Variants in ENTPD6 observed in about 807,000 individuals in gnomAD.
ENTPD6 encodes the protein CD39 antigen-like 2.
ENTPD6 carries 46 observed loss-of-function variants against 61.5 expected under a neutral mutation model. That is an observed-to-expected ratio of 0.75 (90% CI 0.59 to 0.96). The LOEUF (loss-of-function observed/expected upper bound fraction) is 0.96, where lower values mean the gene tolerates loss of function less well. Among genes scored for constraint, ENTPD6 ranks in the 40% least tolerant of loss-of-function variants. ENTPD6 has a pLI of 0.00. For missense variants in ENTPD6, 612 were observed against 629.0 expected (o/e 0.97, Z 0.29); for synonymous variants, 252 against 255.5 (o/e 0.99, Z 0.13).
intron 2 of ENTPD6, 29 bp downstream of exon 2, chr20:25,206,619 A>G: frequency 1.3e-6 from 2 of 1,545,248 alleles, no homozygotes; most frequent in Non-Finnish European, 1.8e-6. Flanking sequence ...GTAGTTGCCC[A>G]AGGGACGGAG....
At chr20:25,222,804 GC>G (rs2092681946) in intron 11 of ENTPD6, 33 bp from the exon 12 acceptor site, 1 of 1,609,306 alleles carries the variant, frequency 6.2e-7, no homozygotes, top group African/African-American at 1.3e-5. Flanking sequence ...GGTGCTCGGA[GC>G]CCACTGACCG....
At chr20:25,224,431 A>G in intron 13 of ENTPD6, 1 of 298,776 alleles carries the variant, frequency 3.3e-6, no homozygotes, top group Non-Finnish European at 6.3e-6. Flanking sequence ...CAGTAAGTTC[A>G]TGATTGTCAC....
At chr20:25,197,081 A>G (rs2090515942) in intron 1 of ENTPD6, 27 of 985,370 alleles carry the variant, frequency 2.7e-5, no homozygotes, top group Non-Finnish European at 3.3e-5. Flanking sequence ...GGAAGTTTCT[A>G]ATGTGCTTCA....
rs112263429 is a variant in ENTPD6, at chr20:25,214,526, G to A, written c.598-341G>A. ...TCTAAGCCCCAGCGGGCTTAGGACA[G>A]GGTCTCCAGGGCAGCATGGGCCTCA... On this transcript the variant is annotated intron_variant, in intron 5 of 14. Transcript: ENST00000376652. Among the ~76,000 whole-genome samples, 270 of 152,348 alleles carry A rather than the reference G, an allele frequency of 1.8e-3. 1 individual carries two copies. Among genetic ancestry groups the A allele is most frequent in the African/African-American group, 5.9e-3 (247 of 41,574 alleles).
intron 1 of ENTPD6, among the ~76,000 whole-genome samples, chr20:25,204,920 A>G (rs548911060): frequency 1.3e-5 from 2 of 152,036 alleles, no homozygotes; most frequent in Non-Finnish European, 2.9e-5. Context: ...CAGAGCTCCT[A>G]TGCAATATTT....
chr20:25,205,082 G>A (rs192528871), intron 1 of ENTPD6, among the ~76,000 whole-genome samples: 1 of 152,286 alleles, frequency 6.6e-6, no homozygotes, highest in East Asian at 1.9e-4. Flanking sequence ...AGGTGCGGGG[G>A]TAGAGGAGCA....
Position 25,227,142 on chromosome 20 carries a change from CAACT to C in ENTPD6, c.*1546_*1549del, listed in dbSNP as rs1192731999. 8.5e-5 allele frequency among the ~76,000 whole-genome samples: 13 copies of C among 152,370 alleles called. 1 individual carries two copies. The highest frequency in any genetic ancestry group is 1.5e-4 in the Non-Finnish European group (10 of 68,038). On this transcript the variant is annotated 3_prime_UTR_variant, in exon 15 of 15. Coordinates refer to ENST00000376652, the MANE Select transcript of ENTPD6 (RefSeq NM_001247.5). Reference sequence around the variant, plus strand: ...GCTTGTGCCTGAAGCCCCCCCCAACCAACTGTCACAGGAGGACAGGATCTGGCCC... The same window carrying C: ...GCTTGTGCCTGAAGCCCCCCCCAACCGTCACAGGAGGACAGGATCTGGCCC...
intron 5 of ENTPD6, 38 bp downstream of exon 5, chr20:25,213,444 T>C (rs1455537937): frequency 6.4e-7 from 1 of 1,561,220 alleles, no homozygotes; most frequent in Non-Finnish European, 8.7e-7. Context: ...TAGCCAGCCC[T>C]CAGGGGCAAC....
chr20:25,200,509 T>C (rs968035252), intron 1 of ENTPD6, among the ~76,000 whole-genome samples: 1 of 152,210 alleles, frequency 6.6e-6, no homozygotes, highest in African/African-American at 2.4e-5. Flanking sequence ...AATTCTTTAT[T>C]ATTTATCTTG....
intron 3 of ENTPD6, among the ~76,000 whole-genome samples, chr20:25,209,342 C>G (rs2091782161): frequency 2.0e-5 from 3 of 151,674 alleles, no homozygotes; most frequent in Admixed American, 1.3e-4. Flanking sequence ...GAACTCCTGA[C>G]CTCGTGATCT....
At chr20:25,215,061 G>T in intron 6 of ENTPD6, 119 bp downstream of exon 6, 1 of 665,046 alleles carries the variant, frequency 1.5e-6, no homozygotes, top group Non-Finnish European at 2.7e-6. Flanking sequence ...CTCCTCCCCC[G>T]TCCGATGCTC....
rs771067070 is a variant in ENTPD6 at position 25,216,706 on chromosome 20, C to T, written c.768C>T (p.Ser256=). Residue 256 remains serine, a synonymous_variant, in exon 8 of 15, where the codon TCC becomes TCT. Coordinates refer to ENST00000376652, the MANE Select transcript of ENTPD6 (RefSeq NM_001247.5). The part of the protein sequence containing the change: ...SVGMLDLGGG[S]TQIAFLPRVE... ...GCATGCTGGACTTGGGCGGAGGATCCACTCAGATCGCCTTCCTGCCACGCG... is the reference window on the plus strand; with the variant it reads ...GCATGCTGGACTTGGGCGGAGGATCTACTCAGATCGCCTTCCTGCCACGCG... 1.2e-6 allele frequency: 2 copies of T among 1,606,302 alleles called. No individual in the cohort carries two copies. The highest frequency in any genetic ancestry group is 1.1e-5 in the South Asian group (1 of 88,958).
intron 4 of ENTPD6, among the ~76,000 whole-genome samples, 198 bp downstream of exon 4, chr20:25,210,123 G>T (rs1231189016): frequency 1.3e-5 from 2 of 152,294 alleles, no homozygotes; most frequent in East Asian, 3.9e-4. Flanking sequence ...GCCCCCACCC[G>T]GCCCCATCCT....
intron 1 of ENTPD6, among the ~76,000 whole-genome samples, chr20:25,202,940 T>A (rs904787102): frequency 1.3e-5 from 2 of 152,362 alleles, no homozygotes; most frequent in East Asian, 1.9e-4. Context: ...CTCCCTTTAG[T>A]AGTCTGGTAG....
chr20:25,202,045 A>G (rs1430402484), intron 1 of ENTPD6, among the ~76,000 whole-genome samples: 6 of 152,224 alleles, frequency 3.9e-5, no homozygotes, highest in Admixed American at 3.9e-4. Context: ...CATAGTTTGT[A>G]TGTTATATTA....
chr20:25,218,072 TCCC>T (rs2092434028), intron 9 of ENTPD6, among the ~76,000 whole-genome samples: 1 of 151,804 alleles, frequency 6.6e-6, no homozygotes, highest in South Asian at 2.1e-4. Context: ...CTCCTCCTCC[TCCC>T]GCCTCCTCTG....
intron 5 of ENTPD6, 109 bp from the exon 6 acceptor site, chr20:25,214,758 C>T (rs6050445): frequency 0.51 from 350,720 of 685,370 alleles, 94,903 homozygotes; most frequent in East Asian, 0.91. Context: ...CAGATTTTTT[C>T]GTTCTTCTCC....
rs2091587705 is a variant in ENTPD6 at position 25,207,343 on chromosome 20, G to T, written c.322G>T (p.Ala108Ser). 1.3e-6 allele frequency: 2 copies of T among 1,574,402 alleles called. No homozygotes were observed. Among genetic ancestry groups the T allele is most frequent in the East Asian group, 2.3e-5 (1 of 44,142 alleles). Residue 108 changes from alanine to serine, a missense_variant, in exon 3 of 15, where the codon GCA becomes TCA. Physicochemically the swap from Ala to Ser is moderately conservative, Grantham distance 99. Transcript: ENST00000376652. ...GGTCTTCTACGGGATCATGTTTGAT[G>T]CAGGAAGCACTGGCACCCGAGTACA... Reference protein sequence around the residue: ...HEVFYGIMFDAGSTGTRVHVF... With the variant: ...HEVFYGIMFDSGSTGTRVHVF...
chr20:25,218,090 TCTC>T (rs2092436264), intron 9 of ENTPD6, among the ~76,000 whole-genome samples: 1 of 134,186 alleles, frequency 7.5e-6, no homozygotes, highest in East Asian at 2.0e-4. Context: ...CCTCTGTCCT[TCTC>T]CTTCATCCTT....
Sources: allele counts gnomAD v4.1 joint callset (sites outside exome capture counted in the v4.1 genomes callset), GRCh38; gene constraint gnomAD v4.1.1; transcripts MANE v1.5; gene names NCBI Gene and HGNC (gene_info 2026-07-23, HGNC 2026-07-21).